STXBP6: variants seen among roughly 807,000 people sequenced by gnomAD.
STXBP6 encodes syntaxin-binding protein 6.
A neutral mutation model predicts 26.9 loss-of-function variants in STXBP6; 21 were observed. That is an observed-to-expected ratio of 0.78 (90% confidence interval 0.55 to 1.12). The LOEUF is 1.12. Ranked by LOEUF, STXBP6 falls within the 50% of genes most tolerant of loss-of-function variation. STXBP6 has a pLI of 0.00. For missense variants in STXBP6, 232 were observed against 257.9 expected (o/e 0.90, Z 0.69); for synonymous variants, 97 against 92.6 (o/e 1.05, Z -0.27).
intron 1 of STXBP6, among the ~76,000 whole-genome samples, chr14:25,014,023 T>G (rs1333802452): frequency 2.0e-5 from 3 of 152,154 alleles, no homozygotes; most frequent in African/African-American, 7.2e-5. Flanking sequence ...ACTAATAAAA[T>G]AATAGGATGT....
intron 4 of STXBP6, among the ~76,000 whole-genome samples, chr14:24,853,489 G>A (rs571907421): frequency 3.7e-4 from 57 of 152,116 alleles, no homozygotes; most frequent in African/African-American, 1.3e-3. Flanking sequence ...ATTTAATTGC[G>A]CTAAATCTTT....
intron 1 of STXBP6, among the ~76,000 whole-genome samples, chr14:25,014,801 CTG>C (rs768087234): frequency 5.1e-4 from 78 of 152,346 alleles, no homozygotes; most frequent in Non-Finnish European, 8.1e-4. Flanking sequence ...ACACAGAAAA[CTG>C]TTTAAAAAGC....
At chr14:25,046,930 G>A (rs961560955) in intron 1 of STXBP6, among the ~76,000 whole-genome samples, 2 of 152,212 alleles carry the variant, frequency 1.3e-5, no homozygotes, top group South Asian at 4.1e-4. Flanking sequence ...CACTGCCAAT[G>A]CCACTACCAT....
chr14:24,928,842 A>G (rs1187720416), intron 2 of STXBP6, among the ~76,000 whole-genome samples: 2 of 152,194 alleles, frequency 1.3e-5, no homozygotes, highest in Non-Finnish European at 2.9e-5. Context: ...AAAAGAAAAT[A>G]GTTTTTAGAG....
intron 1 of STXBP6, among the ~76,000 whole-genome samples, chr14:25,030,644 T>C (rs1190126836): frequency 6.6e-6 from 1 of 152,158 alleles, no homozygotes; most frequent in Non-Finnish European, 1.5e-5. Flanking sequence ...ACCAGTTACA[T>C]ATATCTTCAA....
In STXBP6 at chr14:24,810,028, A is replaced by G. The variant is rs2067776898; in HGVS notation, c.*2681T>C. On this transcript the variant is annotated 3_prime_UTR_variant, in exon 6 of 6. Transcript: ENST00000323944. The stretch of plus-strand genomic sequence containing the variant: ...GTTACATTTTACAAATACATTCTTT[A>G]ATATGAAACATTAACCTGAATAACT... The G allele has an allele frequency of 6.6e-6, 1 of 152,242 alleles. No individual in the cohort carries two copies. Among genetic ancestry groups the G allele is most frequent in the South Asian group, 2.1e-4 (1 of 4,834 alleles). 9.4% of individuals were successfully genotyped at this position (152,242 alleles called of 1,614,324 possible).
chr14:24,972,112 A>AT (rs2073923129), intron 2 of STXBP6, among the ~76,000 whole-genome samples: 1 of 152,130 alleles, frequency 6.6e-6, no homozygotes, highest in Non-Finnish European at 1.5e-5. Flanking sequence ...TCCTGCCCCC[A>AT]TTTCCACTAC....
chr14:24,927,897 A>C (rs1476018354), intron 2 of STXBP6, among the ~76,000 whole-genome samples: 1 of 152,154 alleles, frequency 6.6e-6, no homozygotes, highest in Non-Finnish European at 1.5e-5. Context: ...GAGAGCATAT[A>C]ATCAGTCAGG....
At chr14:24,941,517 G>A (rs865857903) in intron 2 of STXBP6, among the ~76,000 whole-genome samples, 1 of 152,210 alleles carries the variant, frequency 6.6e-6, no homozygotes, top group Non-Finnish European at 1.5e-5. Context: ...TGTATGTAGC[G>A]GTAGGGAAAA....
chr14:25,029,414 C>T (rs1861165068), intron 1 of STXBP6, among the ~76,000 whole-genome samples: 1 of 152,070 alleles, frequency 6.6e-6, no homozygotes, highest in South Asian at 2.1e-4. Flanking sequence ...CATTTTTTAG[C>T]AATAAAGTAT....
Position 25,049,914 on chromosome 14 carries a change from G to T in STXBP6, c.-69C>A. 1.0e-6 allele frequency: 1 copy of T among 972,772 alleles called. No individual in the cohort carries two copies. Among genetic ancestry groups the T allele is most frequent in the South Asian group, 4.7e-5 (1 of 21,072 alleles). The allele number at this position is 972,772 out of a possible 1,614,324, so 60.3% of individuals were successfully genotyped here. ...GCTCGCGCCCCTGCCGTGCCAGTGC[G>T]CGGCACGCGTCCCAGAGCACGAGGC... On this transcript the variant is annotated 5_prime_UTR_variant, in exon 1 of 6. Coordinates refer to ENST00000323944, the MANE Select transcript of STXBP6 (RefSeq NM_001394410.1). The surrounding 1 kb of genome is among the most constrained non-coding windows in gnomAD (Gnocchi z 5.6).
At chr14:24,860,677 T>C (rs2069504362) in intron 2 of STXBP6, among the ~76,000 whole-genome samples, 2 of 152,134 alleles carry the variant, frequency 1.3e-5, no homozygotes, top group African/African-American at 2.4e-5. Context: ...ATATTTGAGA[T>C]AGCTGAATAA....
At chr14:24,992,211 C>T (rs1270640379) in intron 1 of STXBP6, among the ~76,000 whole-genome samples, 1 of 152,196 alleles carries the variant, frequency 6.6e-6, no homozygotes, top group African/African-American at 2.4e-5. Context: ...TTCCACTTTC[C>T]TGGCCCTAGC....
intron 1 of STXBP6, among the ~76,000 whole-genome samples, chr14:24,994,272 A>G (rs183750018): frequency 6.6e-6 from 1 of 152,280 alleles, no homozygotes; most frequent in East Asian, 1.9e-4. Flanking sequence ...CATTCTGTAC[A>G]TGGCATCTAC....
intron 1 of STXBP6, among the ~76,000 whole-genome samples, chr14:24,990,809 G>T (rs964122452): frequency 2.6e-5 from 4 of 151,868 alleles, no homozygotes; most frequent in Non-Finnish European, 5.9e-5. Flanking sequence ...ATGCCACAAA[G>T]AAAACTGGTC....
intron 1 of STXBP6, among the ~76,000 whole-genome samples, chr14:24,984,015 C>T (rs532408569): frequency 5.3e-5 from 8 of 152,178 alleles, no homozygotes; most frequent in South Asian, 2.1e-4. Flanking sequence ...GGGTGGATCA[C>T]GAGGTCAAGA....
At chr14:25,023,847 T>C (rs373926263) in intron 1 of STXBP6, among the ~76,000 whole-genome samples, 1 of 152,150 alleles carries the variant, frequency 6.6e-6, no homozygotes, top group Non-Finnish European at 1.5e-5. Context: ...AGTACAGCCA[T>C]AGTCTTTTAG....
At chr14:24,899,803 A>AAG (rs2071143552) in intron 2 of STXBP6, among the ~76,000 whole-genome samples, 2 of 80,116 alleles carry the variant, frequency 2.5e-5, no homozygotes, top group Non-Finnish European at 2.2e-5. Context: ...AAAAAAAGCA[A>AAG]AAAAAAAAAA....
intron 2 of STXBP6, chr14:24,878,860 T>C: frequency 2.3e-6 from 1 of 438,114 alleles, no homozygotes. Context: ...CAGGGAGCTA[T>C]TATGCCTTTC....
Sources: gnomAD v4.1 joint callset for allele counts (sites outside exome capture counted in the v4.1 genomes callset) on GRCh38, gnomAD v4.1.1 for gene constraint, Gnocchi (gnomAD v3.1) non-coding constraint, MANE v1.5 for transcripts, NCBI Gene and HGNC (gene_info 2026-07-23, HGNC 2026-07-21) for gene names.